Variants in CPA6 observed in about 807,000 individuals in gnomAD.
The protein encoded by CPA6 is carboxypeptidase A6.
A neutral mutation model predicts 63.3 loss-of-function variants in CPA6; 58 were observed. The ratio of observed to expected loss-of-function variants is 0.92; its 90% CI spans 0.74 to 1.14. The LOEUF is 1.14. Among genes scored for constraint, CPA6 ranks in the 50% most tolerant of loss-of-function variants. The pLI, the probability that CPA6 is intolerant of heterozygous loss-of-function variation, is 0.00. For synonymous variants in CPA6, 185 were observed against 179.0 expected, an observed-to-expected ratio of 1.03 and a Z score of -0.27; for missense variants, 565 against 526.6, an observed-to-expected ratio of 1.07 and a Z score of -0.71.
intron 8 of CPA6, among the ~76,000 whole-genome samples, chr8:67,471,420 G>A (rs1811053812): frequency 6.6e-6 from 1 of 151,996 alleles, no homozygotes; most frequent in African/African-American, 2.4e-5. Flanking sequence ...CCTCTGAGGT[G>A]ACAACTATAT....
intron 1 of CPA6, among the ~76,000 whole-genome samples, chr8:67,721,387 C>T (rs1225073758): frequency 1.3e-5 from 2 of 152,186 alleles, no homozygotes; most frequent in East Asian, 1.9e-4. Flanking sequence ...CTGTTGTTAA[C>T]AGATTTTCTT....
chr8:67,447,037 C>CAT (rs200700013), intron 8 of CPA6, among the ~76,000 whole-genome samples: 6 of 123,048 alleles, frequency 4.9e-5, no homozygotes, highest in East Asian at 2.2e-4. Context: ...TATATACACA[C>CAT]ATATATATAT....
At chr8:67,591,621 C>A (rs1278248696) in intron 2 of CPA6, among the ~76,000 whole-genome samples, 2 of 152,030 alleles carry the variant, frequency 1.3e-5, no homozygotes, top group Admixed American at 1.3e-4. Flanking sequence ...AAGTTGGATT[C>A]CTAGGTATTT....
chr8:67,576,829 G>A (rs1230452902), intron 2 of CPA6, among the ~76,000 whole-genome samples: 1 of 151,002 alleles, frequency 6.6e-6, no homozygotes, highest in Non-Finnish European at 1.5e-5. Flanking sequence ...GGAACAGGTA[G>A]TATGACTATA....
chr8:67,427,487 A>G (rs1245088171), intron 10 of CPA6, among the ~76,000 whole-genome samples: 1 of 152,178 alleles, frequency 6.6e-6, no homozygotes, highest in African/African-American at 2.4e-5. Flanking sequence ...ATCCAGCTGA[A>G]GAACCTACGT....
At chr8:67,662,048 C>T (rs1308441307) in intron 1 of CPA6, among the ~76,000 whole-genome samples, 1 of 152,162 alleles carries the variant, frequency 6.6e-6, no homozygotes, top group African/African-American at 2.4e-5. Flanking sequence ...TTCCTTCATC[C>T]ATTCACCACC....
intron 8 of CPA6, among the ~76,000 whole-genome samples, chr8:67,471,224 TC>T (rs1811050387): frequency 6.6e-6 from 1 of 152,150 alleles, no homozygotes; most frequent in Non-Finnish European, 1.5e-5. Context: ...TCCCTAGACT[TC>T]CTCCCCTCCC....
At chr8:67,507,404 C>T (rs1382207373) in intron 5 of CPA6, among the ~76,000 whole-genome samples, 5 of 151,954 alleles carry the variant, frequency 3.3e-5, no homozygotes, top group South Asian at 2.1e-4. Context: ...TATTATACCA[C>T]GAAATGAAAA....
intron 4 of CPA6, 128 bp downstream of exon 4, chr8:67,511,413 T>C: frequency 1.6e-6 from 1 of 642,118 alleles, no homozygotes; most frequent in Non-Finnish European, 2.8e-6. Context: ...ACATATATTC[T>C]TCACATAGTA....
At chr8:67,469,288 A>T (rs574297458) in intron 8 of CPA6, among the ~76,000 whole-genome samples, 119 of 152,250 alleles carry the variant, frequency 7.8e-4, no homozygotes, top group Admixed American at 1.4e-3. Context: ...GGTGGGCCTC[A>T]TCCAATCAGT....
intron 1 of CPA6, among the ~76,000 whole-genome samples, chr8:67,643,769 T>C (rs1278650056): frequency 2.0e-5 from 3 of 152,226 alleles, no homozygotes; most frequent in Non-Finnish European, 2.9e-5. Flanking sequence ...TATTTACATA[T>C]GAAATTTCAT....
intron 2 of CPA6, among the ~76,000 whole-genome samples, chr8:67,607,533 C>T (rs557314155): frequency 1.3e-5 from 2 of 151,934 alleles, no homozygotes; most frequent in African/African-American, 4.8e-5. Flanking sequence ...CCCCAGATTC[C>T]TTTTTATTTC....
chr8:67,610,322 C>T (rs1232909193), intron 2 of CPA6, among the ~76,000 whole-genome samples: 3 of 151,802 alleles, frequency 2.0e-5, no homozygotes, highest in East Asian at 3.9e-4. Context: ...ACTGTGATTG[C>T]ACCACTGCAT....
chr8:67,479,610 G>T (rs78813822), intron 8 of CPA6, among the ~76,000 whole-genome samples: 6,302 of 152,288 alleles, frequency 0.041, 174 homozygotes, highest in Non-Finnish European at 0.063. Context: ...AAATGCTGGA[G>T]AATTTGCATA....
intron 1 of CPA6, among the ~76,000 whole-genome samples, chr8:67,705,952 G>C (rs1418538112): frequency 6.6e-6 from 1 of 152,004 alleles, no homozygotes; most frequent in Non-Finnish European, 1.5e-5. Context: ...AGGTATTTTT[G>C]GTAAGAAAAG....
At chr8:67,719,550 G>A (rs1817451478) in intron 1 of CPA6, among the ~76,000 whole-genome samples, 1 of 152,170 alleles carries the variant, frequency 6.6e-6, no homozygotes, top group Non-Finnish European at 1.5e-5. Context: ...CCACTGAAGT[G>A]TTTCGGATCA....
intron 2 of CPA6, among the ~76,000 whole-genome samples, chr8:67,614,241 A>C (rs1814884789): frequency 6.6e-6 from 1 of 152,188 alleles, no homozygotes; most frequent in African/African-American, 2.4e-5. Flanking sequence ...GCCTGTCTGC[A>C]TGCTCCCCAT....
intron 8 of CPA6, among the ~76,000 whole-genome samples, chr8:67,453,443 C>A (rs1810600246): frequency 6.6e-6 from 1 of 152,098 alleles, no homozygotes; most frequent in Non-Finnish European, 1.5e-5. Context: ...GAGTTCATTT[C>A]TGGATATTTT....
chr8:67,691,136 G>A (rs137912052), intron 1 of CPA6, among the ~76,000 whole-genome samples: 1 of 152,130 alleles, frequency 6.6e-6, no homozygotes, highest in Admixed American at 6.5e-5. Flanking sequence ...CAAAGAAAAC[G>A]AGGAAATTCA....
Sources: gnomAD v4.1 joint callset for allele counts (sites outside exome capture counted in the v4.1 genomes callset) on GRCh38, gnomAD v4.1.1 for gene constraint, MANE v1.5 for transcripts, NCBI Gene and HGNC (gene_info 2026-07-23, HGNC 2026-07-21) for gene names.